The following GLIS2 variants were observed in gnomAD, a reference collection of about 807,000 sequenced individuals.
The protein encoded by GLIS2 is GLIS family zinc finger 2, also known as zinc finger protein GLIS2.
GLIS2 carries 14 observed loss-of-function variants against 35.6 expected under a neutral mutation model. That is an observed-to-expected ratio of 0.39 (90% confidence interval 0.26 to 0.61). GLIS2 has a LOEUF of 0.61. Ranked by LOEUF, GLIS2 falls within the 20% of genes least tolerant of loss-of-function variation. GLIS2 has a pLI of 0.48. For missense variants in GLIS2, 675 were observed against 713.4 expected, an observed-to-expected ratio of 0.95 and a Z score of 0.61; for synonymous variants, 368 against 325.1, an observed-to-expected ratio of 1.13 and a Z score of -1.42.
intron 1 of GLIS2, among the ~76,000 whole-genome samples, chr16:4,322,419 C>T (rs1322833722): frequency 6.6e-6 from 1 of 152,194 alleles, no homozygotes; most frequent in African/African-American, 2.4e-5. Context: ...AGCTGTGCCC[C>T]TTGCTGGCTG....
At position 4,333,437 on chromosome 16, in the gene GLIS2, G is replaced by T. The variant is rs771375950; in HGVS notation, c.263G>T (p.Gly88Val). The T allele has an allele frequency of 1.2e-6, 2 of 1,612,940 alleles. No individual in the cohort carries two copies. Among genetic ancestry groups the T allele is most frequent in the East Asian group, 2.2e-5 (1 of 44,866 alleles). The part of the protein sequence containing the change: ...LVDLSLSPPS[G>V]LDSPNGSSSL... ...GACCTCAGCCTGTCACCACCATCTGGGCTGGACTCCCCCAATGGCAGCAGC... is the reference window on the plus strand; with the variant it reads ...GACCTCAGCCTGTCACCACCATCTGTGCTGGACTCCCCCAATGGCAGCAGC... The change falls in exon 3 of 7, where the codon GGG becomes GTG. Residue 88 changes from glycine to valine, a missense_variant. By Grantham distance (109) the Gly-to-Val change is moderately radical. Around this residue, in one of 3 missense-constraint regions of GLIS2, gnomAD observed 225 missense variants for 238.7 expected, o/e 0.94. Transcript: ENST00000433375.
intron 1 of GLIS2, among the ~76,000 whole-genome samples, chr16:4,318,979 G>A (rs927342681): frequency 5.9e-5 from 9 of 152,126 alleles, no homozygotes; most frequent in African/African-American, 2.2e-4. Flanking sequence ...CTCTTGTGGG[G>A]CATCTTGGGG....
At chr16:4,330,429 C>G (rs1004704122) in intron 1 of GLIS2, among the ~76,000 whole-genome samples, 1 of 152,256 alleles carries the variant, frequency 6.6e-6, no homozygotes, top group African/African-American at 2.4e-5. Context: ...TCAACTCCAC[C>G]AACCCTGCCC....
At chr16:4,334,776 G>C in intron 3 of GLIS2, 25 bp from the exon 4 acceptor site, 1 of 1,612,744 alleles carries the variant, frequency 6.2e-7, no homozygotes, top group Non-Finnish European at 8.5e-7. Context: ...GCAGGACCTT[G>C]ACTAGCCCTC....
At chr16:4,333,638 A>C in intron 3 of GLIS2, 119 bp downstream of exon 3, 1 of 1,164,024 alleles carries the variant, frequency 8.6e-7, no homozygotes, top group Non-Finnish European at 1.2e-6. Context: ...ATAATTCTGG[A>C]GGCTGGAGTC....
chr16:4,326,933 G>A (rs1043571169), intron 1 of GLIS2, among the ~76,000 whole-genome samples: 2 of 151,906 alleles, frequency 1.3e-5, no homozygotes, highest in African/African-American at 4.8e-5. Flanking sequence ...GCTAATTTTC[G>A]TATTTTTAGT....
chr16:4,335,242 G>A lies in GLIS2; in HGVS notation c.657-33G>A, dbSNP rs942962442. The A allele has an allele frequency of 9.3e-6, 15 of 1,613,510 alleles. No homozygotes were observed. The highest frequency in any genetic ancestry group is 1.3e-5 in the African/African-American group (1 of 74,918). The stretch of plus-strand genomic sequence containing the variant: ...GAGGGAGGACTGGGGTCTCCAGTGA[G>A]CTGAGCCGTGCCCCCCGCCCTCCCT... On this transcript the variant is annotated intron_variant, in intron 5 of 6. Transcript: ENST00000433375. The surrounding 1 kb of genome is among the most constrained non-coding windows in gnomAD (Gnocchi z 4.6).
In GLIS2 at chr16:4,337,162, C is replaced by A. The variant is rs1025422386; in HGVS notation, c.1213C>A (p.Pro405Thr). ...GGGCATGGGCCCTGGGCTGCCAGGCCCCGTCCTGCCTCTCAATCTGGCCAA... is the reference window on the plus strand; with the variant it reads ...GGGCATGGGCCCTGGGCTGCCAGGCACCGTCCTGCCTCTCAATCTGGCCAA... ...GGGMGPGLPG[P>T]VLPLNLAKNP... Residue 405 changes from proline to threonine, a missense_variant, in exon 7 of 7, where the codon CCC (proline) becomes ACC (threonine). Physicochemically the swap from Pro to Thr is conservative, Grantham distance 38. Transcript: ENST00000433375. 1.7e-5 allele frequency: 26 copies of A among 1,540,498 alleles called. No individual in the cohort carries two copies. The highest frequency in any genetic ancestry group is 2.3e-5 in the Non-Finnish European group (26 of 1,146,832).
At chr16:4,322,641 C>T (rs1231255160) in intron 1 of GLIS2, among the ~76,000 whole-genome samples, 1 of 132,756 alleles carries the variant, frequency 7.5e-6, no homozygotes, top group Non-Finnish European at 1.6e-5. Context: ...TACACTGTTT[C>T]TCCCACCCCA....
chr16:4,321,594 C>T (rs2053380323), intron 1 of GLIS2, among the ~76,000 whole-genome samples: 1 of 152,174 alleles, frequency 6.6e-6, no homozygotes, highest in Non-Finnish European at 1.5e-5. Flanking sequence ...TGGGGAAACC[C>T]AGGCCTAGTT....
chr16:4,336,697 G>A (rs780315524), intron 6 of GLIS2, 28 bp from the exon 7 acceptor site: 1 of 1,570,444 alleles, frequency 6.4e-7, no homozygotes, highest in Non-Finnish European at 8.6e-7. Context: ...GACCCCTCAT[G>A]GCGGCACTGC....
At chr16:4,318,728 G>A (rs771179763) in intron 1 of GLIS2, among the ~76,000 whole-genome samples, 51 of 152,220 alleles carry the variant, frequency 3.4e-4, no homozygotes, top group Non-Finnish European at 5.3e-4. Context: ...CCTTGGCCCC[G>A]GGCGGTGGGA....
chr16:4,331,886 C>T, intron 1 of GLIS2: 1 of 336,596 alleles, frequency 3.0e-6, no homozygotes, highest in Non-Finnish European at 5.8e-6. Context: ...GAGGTCGAGG[C>T]TGCAGTGAGC....
At chr16:4,333,210 C>A in intron 2 of GLIS2, 137 bp from the exon 3 acceptor site, 1 of 921,962 alleles carries the variant, frequency 1.1e-6, no homozygotes, top group Non-Finnish European at 1.7e-6. Flanking sequence ...GCTCCACAGG[C>A]TGCTCCTCAC....
intron 1 of GLIS2, among the ~76,000 whole-genome samples, chr16:4,316,610 G>A (rs533422963): frequency 6.6e-6 from 1 of 151,922 alleles, no homozygotes; most frequent in South Asian, 2.1e-4. Context: ...TGAGAGGGGG[G>A]TACCCGGAGC....
At position 4,333,388 on chromosome 16, in the gene GLIS2, C is replaced by T. The variant is rs750314209; in HGVS notation, c.214C>T (p.Arg72Cys). 50 of 1,612,982 alleles carry T rather than the reference C, an allele frequency of 3.1e-5. No homozygotes were observed. The highest frequency in any genetic ancestry group is 1.2e-4 in the Admixed American group (7 of 59,992). Residue 72 changes from arginine to cysteine, a missense_variant, in exon 3 of 7, where the codon CGC (arginine) becomes TGC (cysteine). Physicochemically the swap from Arg to Cys is radical, Grantham distance 180 (BLOSUM62 -3). Transcript: ENST00000433375. Reference protein sequence around the residue: ...NSKFPEKVEGRFSAAPLVDLS... With the variant: ...NSKFPEKVEGCFSAAPLVDLS... The stretch of plus-strand genomic sequence containing the variant: ...CAAGTTCCCCGAGAAGGTGGAGGGA[C>T]GCTTTTCAGCAGCCCCTCTCGTGGA...
intron 3 of GLIS2, among the ~76,000 whole-genome samples, chr16:4,334,519 T>G (rs1337783656): frequency 6.6e-6 from 1 of 152,018 alleles, no homozygotes; most frequent in Non-Finnish European, 1.5e-5. Context: ...ATTACAGGCG[T>G]GAGCCACCGC....
intron 1 of GLIS2, among the ~76,000 whole-genome samples, chr16:4,326,122 G>A (rs1215967740): frequency 6.6e-6 from 1 of 151,992 alleles, no homozygotes; most frequent in African/African-American, 2.4e-5. Flanking sequence ...GTGGGCGCCT[G>A]TAGTCCCAGC....
chr16:4,321,421 C>T (rs1037432871), intron 1 of GLIS2, among the ~76,000 whole-genome samples: 1 of 152,204 alleles, frequency 6.6e-6, no homozygotes, highest in South Asian at 2.1e-4. Flanking sequence ...GGGGTAAAGG[C>T]GGGAATGTCT....
Sources: allele counts gnomAD v4.1 joint callset (sites outside exome capture counted in the v4.1 genomes callset), GRCh38; gene constraint gnomAD v4.1.1; regional missense constraint gnomAD v4.1.1; non-coding constraint Gnocchi (gnomAD v3.1); transcripts MANE v1.5; gene names NCBI Gene and HGNC (gene_info 2026-07-23, HGNC 2026-07-21).